Variants in OLAH observed in about 807,000 individuals in gnomAD.
The protein encoded by OLAH is oleoyl-ACP hydrolase.
In OLAH, 33 loss-of-function variants were observed where a neutral mutation model predicts 27.8. That is an observed-to-expected ratio of 1.19 (90% CI 0.90 to 1.59). OLAH has a LOEUF of 1.59. OLAH is among the 40% of genes most tolerant of loss of function. OLAH has a pLI of 0.00. For synonymous variants in OLAH, 120 were observed against 102.9 expected (o/e 1.17, Z -1.01); for missense variants, 359 against 310.8 (o/e 1.16, Z -1.17).
chr10:15,056,691 C>A, intron 3 of OLAH: 2 of 936,382 alleles, frequency 2.1e-6, no homozygotes, highest in Non-Finnish European at 2.8e-6. Flanking sequence ...AGTACAATAG[C>A]ATGATCTTGG....
intron 1 of OLAH, among the ~76,000 whole-genome samples, chr10:15,036,647 G>T (rs186419507): frequency 2.0e-4 from 30 of 152,172 alleles, no homozygotes; most frequent in African/African-American, 7.2e-4. Context: ...ATACCACTGT[G>T]CCTAATTTTT....
chr10:15,059,457 G>A (rs1459385110), intron 3 of OLAH, among the ~76,000 whole-genome samples: 2 of 151,736 alleles, frequency 1.3e-5, no homozygotes, highest in Admixed American at 6.6e-5. Flanking sequence ...AAAGTGCTGG[G>A]ATTACAGGCA....
At chr10:15,053,123 A>G (rs7099737) in intron 3 of OLAH, among the ~76,000 whole-genome samples, 76,569 of 151,738 alleles carry the variant, frequency 0.5, 19,465 homozygotes, top group East Asian at 0.75. Flanking sequence ...TTAATATGTC[A>G]TTTTCTTTCT....
chr10:15,071,593 A>G (rs1844587442), intron 6 of OLAH: 1 of 985,312 alleles, frequency 1.0e-6, no homozygotes, highest in Admixed American at 6.1e-5. Flanking sequence ...CCTAGAAGTT[A>G]GATATTGGAA....
At position 15,073,838 on chromosome 10, in the gene OLAH, G is replaced by C. The variant is rs1589257296; in HGVS notation, c.*609G>C. On this transcript the variant is annotated 3_prime_UTR_variant, in exon 8 of 8. Transcript: ENST00000378228. Reference sequence around the variant, plus strand: ...AACAGGGGAAATGCTTGAAGTAAATGATTGTTTCAATGGCATACCGTGTCT... The same window carrying C: ...AACAGGGGAAATGCTTGAAGTAAATCATTGTTTCAATGGCATACCGTGTCT... The C allele has an allele frequency of 6.6e-6, 1 of 152,120 alleles. No homozygotes were observed. Among genetic ancestry groups the C allele is most frequent in the Non-Finnish European group, 1.5e-5 (1 of 68,026 alleles). The allele number at this position is 152,120 out of a possible 1,614,324, so 9.4% of individuals were successfully genotyped here.
chr10:15,035,399 G>T (rs1375236448), intron 1 of OLAH, among the ~76,000 whole-genome samples: 1 of 152,172 alleles, frequency 6.6e-6, no homozygotes, highest in Non-Finnish European at 1.5e-5. Flanking sequence ...TCTGGCATCT[G>T]CTTCTAGGGA....
In OLAH at chr10:15,061,216, GTTC is replaced by G. The variant is rs144206769; in HGVS notation, c.164-502_164-500del. Among the ~76,000 whole-genome samples, 127 of 152,246 alleles carry G rather than the reference GTTC, an allele frequency of 8.3e-4. 1 individual carries two copies. The highest frequency in any genetic ancestry group is 2.7e-3 in the Admixed American group (42 of 15,288). On this transcript the variant is annotated intron_variant, in intron 3 of 7. Coordinates refer to ENST00000378228, the MANE Select transcript of OLAH (RefSeq NM_001039702.3). ...TCCAGAGCCAAGGCAAAATCAGAAAGTTCTTCTTTTCTCCTTTGCCATTTGGAG... is the reference window on the plus strand; with the variant it reads ...TCCAGAGCCAAGGCAAAATCAGAAAGTTCTTTTCTCCTTTGCCATTTGGAG...
At chr10:15,039,375 C>T (rs550928938), upstream of OLAH, among the ~76,000 whole-genome samples, 181 of 152,190 alleles carry the variant, frequency 1.2e-3, no homozygotes, top group African/African-American at 3.6e-3. Flanking sequence ...GTCAGGAGTT[C>T]GAGACCAGCC....
intron 1 of OLAH, among the ~76,000 whole-genome samples, chr10:15,035,993 T>C (rs1052018638): frequency 2.2e-4 from 34 of 152,090 alleles, no homozygotes; most frequent in African/African-American, 7.0e-4. Flanking sequence ...TCCCAGGGGC[T>C]GAGTGATTCT....
chr10:15,061,350 C>T (rs1025266740), intron 3 of OLAH, among the ~76,000 whole-genome samples: 7 of 152,182 alleles, frequency 4.6e-5, no homozygotes, highest in Admixed American at 3.3e-4. Flanking sequence ...TTAATGCATT[C>T]CAGTGCCTTA....
intron 4 of OLAH, among the ~76,000 whole-genome samples, chr10:15,062,904 A>G (rs1005821529): frequency 1.3e-5 from 2 of 151,894 alleles, no homozygotes; most frequent in African/African-American, 4.8e-5. Context: ...ATACCTGGCT[A>G]ATTTTTATAT....
intron 3 of OLAH, chr10:15,056,837 C>G: frequency 6.7e-7 from 1 of 1,502,034 alleles, no homozygotes; most frequent in Non-Finnish European, 8.9e-7. Flanking sequence ...CAGCATCTCA[C>G]CATGTTGCCA....
At chr10:15,034,206 C>G (rs1230197357) in intron 1 of OLAH, among the ~76,000 whole-genome samples, 2 of 151,752 alleles carry the variant, frequency 1.3e-5, no homozygotes, top group African/African-American at 2.4e-5. Context: ...CTCCGCCTCC[C>G]AGGTTCAAGC....
intron 1 of OLAH, among the ~76,000 whole-genome samples, chr10:15,036,511 G>A (rs1220521671): frequency 6.6e-6 from 1 of 152,054 alleles, no homozygotes; most frequent in African/African-American, 2.4e-5. Flanking sequence ...AAAAAAGAGA[G>A]ATGGGATCTC....
intron 1 of OLAH, among the ~76,000 whole-genome samples, chr10:15,035,214 G>C (rs572180623): frequency 1.3e-3 from 197 of 152,274 alleles, no homozygotes; most frequent in African/African-American, 4.6e-3. Context: ...GGAAGCCACG[G>C]ACCAGAGAAA....
intron 6 of OLAH, among the ~76,000 whole-genome samples, chr10:15,068,985 G>A (rs1047397012): frequency 5.3e-5 from 8 of 152,072 alleles, no homozygotes; most frequent in African/African-American, 1.4e-4. Context: ...TACCCTTGGC[G>A]TTCAATGTTC....
chr10:15,059,009 C>T (rs1844304510), intron 3 of OLAH, among the ~76,000 whole-genome samples: 1 of 131,972 alleles, frequency 7.6e-6, no homozygotes, highest in Non-Finnish European at 1.7e-5. Context: ...CTCTCCTTCC[C>T]TCTCTCCTTC....
chr10:15,049,653 C>A lies in OLAH; in HGVS notation c.51C>A (p.Asn17Lys), dbSNP rs770598766. The change falls in exon 3 of 8, where the codon AAC becomes AAA. Residue 17 changes from asparagine to lysine, a missense_variant. Asn to Lys is a moderately conservative substitution (Grantham distance 94). Coordinates refer to ENST00000378228, the MANE Select transcript of OLAH (RefSeq NM_001039702.3). Reference protein sequence around the residue: ...PKRTRNENIFNCLYKNPEATF... With the variant: ...PKRTRNENIFKCLYKNPEATF... ...TCCCTAGGAATGAAAACATTTTCAA[C>A]TGCTTATACAAAAACCCTGAGGCAA... 5.0e-6 allele frequency: 8 copies of A among 1,589,776 alleles called. No individual in the cohort carries two copies. Among genetic ancestry groups the A allele is most frequent in the East Asian group, 4.5e-5 (2 of 44,510 alleles).
At chr10:15,051,955 T>G (rs1435888660) in intron 3 of OLAH, among the ~76,000 whole-genome samples, 3 of 152,140 alleles carry the variant, frequency 2.0e-5, no homozygotes, top group Admixed American at 2.0e-4. Flanking sequence ...AAAATGAGCA[T>G]GGCTGTGTCC....
Sources: allele counts gnomAD v4.1 joint callset (sites outside exome capture counted in the v4.1 genomes callset), GRCh38; gene constraint gnomAD v4.1.1; transcripts MANE v1.5; gene names NCBI Gene and HGNC (gene_info 2026-07-23, HGNC 2026-07-21).